Variants in SUPT20H observed in about 807,000 individuals in gnomAD.
SUPT20H encodes the protein SPT20 homolog, SAGA complex component.
A neutral mutation model predicts 122.8 loss-of-function variants in SUPT20H; 82 were observed. The observed-to-expected ratio is 0.67, with a 90% CI of 0.56 to 0.80. The LOEUF (loss-of-function observed/expected upper bound fraction) is 0.80. SUPT20H is among the 30% of genes least tolerant of loss of function. The pLI is 0.00. For missense variants in SUPT20H, 831 were observed against 921.6 expected, an observed-to-expected ratio of 0.90 and a Z score of 1.27; for synonymous variants, 291 against 313.0, an observed-to-expected ratio of 0.93 and a Z score of 0.74.
At chr13:37,049,460 C>A (rs945406829) in intron 2 of SUPT20H, among the ~76,000 whole-genome samples, 6 of 152,104 alleles carry the variant, frequency 3.9e-5, no homozygotes, top group Non-Finnish European at 8.8e-5. Context: ...TTAAACATGG[C>A]CAGGCATGGT....
chr13:37,043,092 C>A (rs2065787647), intron 7 of SUPT20H, among the ~76,000 whole-genome samples: 1 of 148,736 alleles, frequency 6.7e-6, no homozygotes, highest in Admixed American at 6.6e-5. Flanking sequence ...TGCTTGCATT[C>A]TGCATTTAAT....
intron 23 of SUPT20H, chr13:37,013,548 G>A (rs929579609): frequency 1.3e-5 from 2 of 151,758 alleles, no homozygotes; most frequent in Admixed American, 6.6e-5. Context: ...AAAAACACAG[G>A]AGAAAATCTT....
intron 1 of SUPT20H, among the ~76,000 whole-genome samples, chr13:37,054,158 G>C (rs998392968): frequency 6.6e-6 from 1 of 152,206 alleles, no homozygotes; most frequent in Non-Finnish European, 1.5e-5. Context: ...TCCAGGACCA[G>C]ATGGATTCAC....
intron 2 of SUPT20H, among the ~76,000 whole-genome samples, chr13:37,050,901 A>C (rs1202707870): frequency 6.6e-6 from 1 of 152,170 alleles, no homozygotes; most frequent in Admixed American, 6.5e-5. Context: ...ATGGTGGTCA[A>C]TGTTCATTTA....
intron 3 of SUPT20H, 33 bp downstream of exon 3, chr13:37,048,531 A>G: frequency 6.4e-7 from 1 of 1,554,328 alleles, no homozygotes; most frequent in Non-Finnish European, 8.7e-7. Flanking sequence ...TAAAGACAAC[A>G]CTATTTCAAT....
chr13:37,044,842 G>A (rs1421032466), intron 6 of SUPT20H, among the ~76,000 whole-genome samples: 1 of 152,016 alleles, frequency 6.6e-6, no homozygotes, highest in East Asian at 1.9e-4. Flanking sequence ...CAAACTGCAG[G>A]ACTACCTACC....
intron 23 of SUPT20H, among the ~76,000 whole-genome samples, chr13:37,015,640 T>C (rs1305431145): frequency 6.6e-6 from 1 of 152,072 alleles, no homozygotes; most frequent in Non-Finnish European, 1.5e-5. Context: ...TCTTAAAAAA[T>C]TAAAAATTAC....
At chr13:37,032,375 TGCCACCTCATCCTAAC>T (rs1594225761) in intron 10 of SUPT20H, among the ~76,000 whole-genome samples, 1 of 152,124 alleles carries the variant, frequency 6.6e-6, no homozygotes, top group East Asian at 1.9e-4. Context: ...CTCCGGAAGT[TGCCACCTCATCCTAAC>T]AGGTAAAAAG....
At chr13:37,016,159 G>A (rs915578422) in intron 23 of SUPT20H, among the ~76,000 whole-genome samples, 9 of 152,130 alleles carry the variant, frequency 5.9e-5, no homozygotes, top group Non-Finnish European at 1.0e-4. Context: ...GGCCAGGCAC[G>A]GTGGCTCATG....
chr13:37,010,811 T>C (rs948139515), intron 24 of SUPT20H, 156 bp from the exon 25 acceptor site: 1 of 561,342 alleles, frequency 1.8e-6, no homozygotes, highest in African/African-American at 1.9e-5. Flanking sequence ...ATTTAGTATA[T>C]GGTCTCCTGT....
chr13:37,013,427 AAAACAAAAAC>A (rs1210818208), intron 23 of SUPT20H: 2 of 151,934 alleles, frequency 1.3e-5, no homozygotes, highest in South Asian at 4.1e-4. Flanking sequence ...TACTGATAGG[AAAACAAAAAC>A]AAACAAAAAC....
intron 19 of SUPT20H, chr13:37,023,808 G>C: frequency 2.7e-6 from 1 of 366,602 alleles, no homozygotes; most frequent in Non-Finnish European, 4.8e-6. Flanking sequence ...CTATAAGAAA[G>C]GTACACGCAG....
chr13:37,039,075 A>T (rs934862899), intron 9 of SUPT20H: 12 of 152,332 alleles, frequency 7.9e-5, no homozygotes, highest in African/African-American at 2.6e-4. Context: ...CTTCCACATC[A>T]ATTTACGAGG....
Position 37,040,563 on chromosome 13 carries a change from T to G in SUPT20H, c.513+13A>C. On this transcript the variant is annotated intron_variant, in intron 8 of 25. Coordinates refer to ENST00000350612, the MANE Select transcript of SUPT20H (RefSeq NM_001014286.3). ...AAAATCTAAAATAGTATTTCTTAAT[T>G]AAACATCCTTACCTGCATTGTTGGA... The G allele has an allele frequency of 1.2e-6, 2 of 1,607,494 alleles. No homozygotes were observed. Among genetic ancestry groups the G allele is most frequent in the Non-Finnish European group, 1.7e-6 (2 of 1,177,078 alleles).
chr13:37,033,385 C>G, intron 10 of SUPT20H, 64 bp downstream of exon 10: 2 of 1,575,500 alleles, frequency 1.3e-6, no homozygotes, highest in Non-Finnish European at 1.7e-6. Flanking sequence ...GGAAAAGATA[C>G]TATAAATAGC....
chr13:37,009,724 C>G lies in SUPT20H; in HGVS notation c.2288G>C (p.Ser763Thr). 2.5e-6 allele frequency: 4 copies of G among 1,614,050 alleles called. No individual in the cohort carries two copies. Among genetic ancestry groups the G allele is most frequent in the Non-Finnish European group, 3.4e-6 (4 of 1,179,970 alleles). ...AQLHHHRHTG[S>T]QSKSKMKRGT... ...TCTCTTCATTTTACTTTTTGACTGG[C>G]TGCCTGTATGCCGATGATGATGTAG... is the stretch of plus-strand genomic sequence containing the variant. The change falls in exon 26 of 26, where the codon AGC (serine) becomes ACC (threonine). Residue 763 changes from serine to threonine, a missense_variant. Ser to Thr is a moderately conservative substitution (Grantham distance 58, BLOSUM62 1). Transcript: ENST00000350612.
chr13:37,057,563 G>C (rs1293357351), intron 1 of SUPT20H, among the ~76,000 whole-genome samples: 4 of 151,716 alleles, frequency 2.6e-5, no homozygotes, highest in Admixed American at 2.0e-4. Flanking sequence ...GGCCAGGTGG[G>C]GTGTGGCTCA....
intron 1 of SUPT20H, among the ~76,000 whole-genome samples, chr13:37,056,228 G>A (rs776059219): frequency 3.9e-5 from 6 of 152,134 alleles, no homozygotes; most frequent in Non-Finnish European, 8.8e-5. Flanking sequence ...GGATCTAGAA[G>A]TAGAAATACC....
Position 37,040,413 on chromosome 13 carries a change from A to G in SUPT20H, c.559T>C (p.Trp187Arg), listed in dbSNP as rs772885007. The G allele has an allele frequency of 1.3e-6, 2 of 1,572,850 alleles. No homozygotes were observed. The highest frequency in any genetic ancestry group is 1.7e-6 in the Non-Finnish European group (2 of 1,167,866). Residue 187 changes from tryptophan to arginine, a missense_variant, in exon 9 of 26, where the codon TGG becomes CGG. Trp to Arg is a moderately radical substitution (Grantham distance 101). Coordinates refer to ENST00000350612, the MANE Select transcript of SUPT20H (RefSeq NM_001014286.3). Reference sequence around the variant, plus strand: ...AAAACAAAACAACTAACCTGGGTCCATTTGTGGTTATCACTTGTTATTGAA... The same window carrying G: ...AAAACAAAACAACTAACCTGGGTCCGTTTGTGGTTATCACTTGTTATTGAA... Reference protein sequence around the residue: ...VHSITSDNHKWTQEDKLLLES... With the variant: ...VHSITSDNHKRTQEDKLLLES...
Sources: allele counts gnomAD v4.1 joint callset (sites outside exome capture counted in the v4.1 genomes callset), GRCh38; gene constraint gnomAD v4.1.1; transcripts MANE v1.5; gene names NCBI Gene and HGNC (gene_info 2026-07-23, HGNC 2026-07-21).